Variants in DCTD observed in about 807,000 individuals in gnomAD.
DCTD encodes deoxycytidylate deaminase.
Under a neutral mutation model 21.0 loss-of-function variants are expected in DCTD, and 23 were observed. The observed-to-expected ratio is 1.09, with a 90% CI of 0.79 to 1.55. The LOEUF is 1.55. Among genes scored for constraint, DCTD ranks in the 40% most tolerant of loss-of-function variants. The pLI is 0.00. For missense variants in DCTD, 224 were observed against 230.0 expected, an observed-to-expected ratio of 0.97 and a Z score of 0.17; for synonymous variants, 71 against 81.1, an observed-to-expected ratio of 0.88 and a Z score of 0.67.
intron 3 of DCTD, among the ~76,000 whole-genome samples, chr4:182,909,514 C>T (rs1021864746): frequency 6.6e-6 from 1 of 152,196 alleles, no homozygotes; most frequent in Admixed American, 6.5e-5. Flanking sequence ...GGAGGAGCGG[C>T]AGGAAGCTTT....
At chr4:182,906,462 C>G (rs567259661) in intron 3 of DCTD, among the ~76,000 whole-genome samples, 12 of 152,226 alleles carry the variant, frequency 7.9e-5, no homozygotes, top group African/African-American at 2.9e-4. Context: ...AATAAATGCC[C>G]TAGAAGTGTC....
chr4:182,899,691 G>A (rs896190076), intron 3 of DCTD, among the ~76,000 whole-genome samples: 4 of 152,102 alleles, frequency 2.6e-5, no homozygotes, highest in South Asian at 2.1e-4. Flanking sequence ...ATGAGCCACC[G>A]CGCCCGGCCA....
chr4:182,916,425 G>C (rs1738747518), intron 1 of DCTD: 1 of 985,496 alleles, frequency 1.0e-6, no homozygotes, highest in South Asian at 4.7e-5. Flanking sequence ...GTACCACGGA[G>C]AAATCTTGAG....
chr4:182,904,204 G>A (rs960302314), intron 3 of DCTD, among the ~76,000 whole-genome samples: 2 of 152,154 alleles, frequency 1.3e-5, no homozygotes, highest in Non-Finnish European at 2.9e-5. Flanking sequence ...TCTGACTGTG[G>A]TAAGGCCATT....
intron 3 of DCTD, among the ~76,000 whole-genome samples, chr4:182,907,983 G>T (rs1737011669): frequency 6.6e-6 from 1 of 151,770 alleles, no homozygotes; most frequent in African/African-American, 2.4e-5. Flanking sequence ...AAGCACTATG[G>T]GGCTTTACTT....
Position 182,915,493 on chromosome 4 carries a change from A to G in DCTD, c.76T>C (p.Ser26Pro), listed in dbSNP as rs373876391. Residue 26 changes from serine (S) to proline (P), a missense_variant, in exon 2 of 6, where the codon TCA becomes CCA. Coordinates refer to ENST00000438320, the MANE Select transcript of DCTD (RefSeq NM_001921.3). The stretch of plus-strand genomic sequence containing the variant: ...TTTGGATCTTTGCTTCTCTGTGCTG[A>G]TAAGAAGGCCACAGCCATAAAATAC... The part of the protein sequence containing the change: ...PEYFMAVAFL[S>P]AQRSKDPNSQ... 3 of 1,613,220 alleles carry G rather than the reference A, an allele frequency of 1.9e-6. No homozygotes were observed. Among genetic ancestry groups the G allele is most frequent in the African/African-American group, 1.3e-5 (1 of 74,918 alleles).
intron 3 of DCTD, among the ~76,000 whole-genome samples, chr4:182,901,733 G>A (rs1180233938): frequency 1.3e-5 from 2 of 150,156 alleles, no homozygotes; most frequent in African/African-American, 2.5e-5. Context: ...CAATTAACAA[G>A]TGACATGAAA....
intron 3 of DCTD, among the ~76,000 whole-genome samples, chr4:182,899,487 T>C (rs1013968917): frequency 1.3e-5 from 2 of 151,488 alleles, no homozygotes; most frequent in Non-Finnish European, 2.9e-5. Flanking sequence ...AACCTCTGCC[T>C]ACCAGTTTCA....
At chr4:182,916,442 G>A (rs1579798460) in intron 1 of DCTD, 5 of 985,608 alleles carry the variant, frequency 5.1e-6, no homozygotes, top group East Asian at 2.3e-4. Context: ...TGAGAAAGGC[G>A]AGGAATGTGG....
chr4:182,890,495 C>T lies in DCTD; in HGVS notation c.*904G>A, dbSNP rs1412905674. 1.3e-5 allele frequency: 2 copies of T among 152,248 alleles called. No homozygotes were observed. The highest frequency in any genetic ancestry group is 2.9e-5 in the Non-Finnish European group (2 of 68,060). 9.4% of individuals were successfully genotyped at this position (152,248 alleles called of 1,614,324 possible). On this transcript the variant is annotated 3_prime_UTR_variant, in exon 6 of 6. Coordinates refer to ENST00000438320, the MANE Select transcript of DCTD (RefSeq NM_001921.3). ...TAGGAATTAATTTTCTCTCCAGTTG[C>T]AGAGGGGCCTTGTACATGAACTGCG...
At chr4:182,893,773 G>A (rs896509809) in intron 4 of DCTD, among the ~76,000 whole-genome samples, 6 of 152,254 alleles carry the variant, frequency 3.9e-5, no homozygotes, top group African/African-American at 9.6e-5. Flanking sequence ...GAACGGTGAC[G>A]GCGACAGCCA....
rs1734060262 is a variant in DCTD, at chr4:182,892,978, C to T, written c.458+53G>A. On this transcript the variant is annotated intron_variant, in intron 5 of 5. Coordinates refer to ENST00000438320, the MANE Select transcript of DCTD (RefSeq NM_001921.3). ...GGAGGAGACAAGGTCAAATACATCT[C>T]TTCATCAGCCTTCACCCTACCCCGT... 11 of 1,082,622 alleles carry T rather than the reference C, an allele frequency of 1.0e-5. No homozygotes were observed. The South Asian group carries it at 1.3e-4, about 13-fold the overall frequency. The allele number at this position is 1,082,622 out of a possible 1,614,324, so 67.1% of individuals were successfully genotyped here. A position where few individuals can be genotyped will look rare whatever the true frequency, so the allele number is the denominator to read the frequency against.
At chr4:182,907,563 T>C (rs964797631) in intron 3 of DCTD, among the ~76,000 whole-genome samples, 6 of 152,202 alleles carry the variant, frequency 3.9e-5, no homozygotes, top group Non-Finnish European at 7.3e-5. Context: ...CCATATGGTC[T>C]ATATTCATCT....
chr4:182,903,475 G>A (rs184448861), intron 3 of DCTD, among the ~76,000 whole-genome samples: 4 of 152,276 alleles, frequency 2.6e-5, no homozygotes, highest in East Asian at 3.9e-4. Context: ...GACGAGAAAC[G>A]GGGGTGATGT....
In DCTD at chr4:182,915,593, C is replaced by G. The variant is rs1224170322; in HGVS notation, c.-7-18G>C. ...TGTTGGGTCTAGAAGAAAAACATGA[C>G]AAAACAGAAGTTGAGAGAAGCATTT... On this transcript the variant is annotated intron_variant, in intron 1 of 5. Transcript: ENST00000438320. 1 of 1,505,940 alleles carries G rather than the reference C, an allele frequency of 6.6e-7. No individual in the cohort carries two copies. The highest frequency in any genetic ancestry group is 9.2e-7 in the Non-Finnish European group (1 of 1,081,482). The allele number at this position is 1,505,940 out of a possible 1,614,324, so 93.3% of individuals were successfully genotyped here. A position where few individuals can be genotyped will look rare whatever the true frequency, so the allele number is the denominator to read the frequency against.
chr4:182,894,751 A>C (rs1362177226), intron 3 of DCTD, 146 bp from the exon 4 acceptor site: 1 of 658,314 alleles, frequency 1.5e-6, no homozygotes, highest in Non-Finnish European at 2.7e-6. Flanking sequence ...AGTCCTAAGA[A>C]TACCAAATGA....
chr4:182,904,694 A>C (rs961340562), intron 3 of DCTD, among the ~76,000 whole-genome samples: 1 of 152,072 alleles, frequency 6.6e-6, no homozygotes, highest in East Asian at 1.9e-4. Context: ...CACCCCACAC[A>C]ATCAGCTCTT....
At chr4:182,910,963 G>A (rs1044537559) in intron 3 of DCTD, among the ~76,000 whole-genome samples, 3 of 152,188 alleles carry the variant, frequency 2.0e-5, no homozygotes, top group African/African-American at 7.2e-5. Context: ...TAATAAAGCA[G>A]TATTAAGCTG....
At chr4:182,915,344 C>T (rs564442404) in intron 2 of DCTD, 117 bp downstream of exon 2, 1 of 784,256 alleles carries the variant, frequency 1.3e-6, no homozygotes, top group Non-Finnish European at 2.2e-6. Flanking sequence ...GCACAAAAGG[C>T]AGACCGACCC....
Sources: gnomAD v4.1 joint callset for allele counts (sites outside exome capture counted in the v4.1 genomes callset) on GRCh38, gnomAD v4.1.1 for gene constraint, MANE v1.5 for transcripts, NCBI Gene and HGNC (gene_info 2026-07-23, HGNC 2026-07-21) for gene names.